The following MIR2052HG variants were observed in gnomAD, a reference collection of about 807,000 sequenced individuals.
MIR2052HG encodes MIR2052 host gene.
chr8:74,621,041 C>G (rs1808354490), intron 2 of MIR2052HG, among the ~76,000 whole-genome samples: 1 of 152,246 alleles, frequency 6.6e-6, no homozygotes, highest in African/African-American at 2.4e-5. Context: ...TGCCACCATT[C>G]TCTTTGCATA....
chr8:74,734,328 A>G (rs1048324799), intron 4 of MIR2052HG, among the ~76,000 whole-genome samples: 1 of 152,226 alleles, frequency 6.6e-6, no homozygotes, highest in African/African-American at 2.4e-5. Context: ...GATCTAACAT[A>G]TGCACAGTTT....
chr8:74,691,457 G>T (rs1809238825), intron 2 of MIR2052HG, among the ~76,000 whole-genome samples: 2 of 152,146 alleles, frequency 1.3e-5, no homozygotes, highest in Non-Finnish European at 1.5e-5. Context: ...TTATATCTGT[G>T]CATCTGTTAG....
intron 2 of MIR2052HG, among the ~76,000 whole-genome samples, chr8:74,686,739 A>G (rs957670153): frequency 1.3e-5 from 2 of 152,230 alleles, no homozygotes; most frequent in South Asian, 2.1e-4. Flanking sequence ...AAACAAGGCA[A>G]GTCCTGTGGC....
At chr8:74,656,579 C>G (rs1054298956) in intron 2 of MIR2052HG, among the ~76,000 whole-genome samples, 4 of 152,160 alleles carry the variant, frequency 2.6e-5, no homozygotes, top group African/African-American at 7.2e-5. Context: ...TGAGGCCTCC[C>G]CAGACATGTG....
At chr8:74,605,345 A>G (rs1808096256) in intron 1 of MIR2052HG, among the ~76,000 whole-genome samples, 1 of 152,236 alleles carries the variant, frequency 6.6e-6, no homozygotes, top group African/African-American at 2.4e-5. Flanking sequence ...GCAGGAGAGC[A>G]TTTAACATTC....
chr8:74,656,868 T>C (rs1808812672), intron 2 of MIR2052HG, among the ~76,000 whole-genome samples: 1 of 152,126 alleles, frequency 6.6e-6, no homozygotes, highest in South Asian at 2.1e-4. Flanking sequence ...AGAAGGAATG[T>C]TTAGGGACAG....
At chr8:74,738,105 T>TTATGTATG (rs756618957) in intron 4 of MIR2052HG, among the ~76,000 whole-genome samples, 4 of 144,952 alleles carry the variant, frequency 2.8e-5, no homozygotes, top group Non-Finnish European at 6.1e-5. Flanking sequence ...TATGTATCTG[T>TTATGTATG]TATGTATGTA....
intron 2 of MIR2052HG, among the ~76,000 whole-genome samples, chr8:74,631,040 G>C (rs1173845388): frequency 6.6e-6 from 1 of 152,198 alleles, no homozygotes; most frequent in African/African-American, 2.4e-5. Flanking sequence ...CAAGATTTTA[G>C]GGATGATAGG....
intron 2 of MIR2052HG, among the ~76,000 whole-genome samples, chr8:74,696,450 C>A (rs988885790): frequency 6.6e-6 from 1 of 151,694 alleles, no homozygotes; most frequent in Non-Finnish European, 1.5e-5. Flanking sequence ...CCAAACCCAG[C>A]AGAAGAAAAG....
At chr8:74,726,047 G>C (rs1445310715) in intron 4 of MIR2052HG, among the ~76,000 whole-genome samples, 1 of 152,028 alleles carries the variant, frequency 6.6e-6, no homozygotes, top group Non-Finnish European at 1.5e-5. Flanking sequence ...CAAAAAATTA[G>C]CCAGGTGTGG....
intron 4 of MIR2052HG, among the ~76,000 whole-genome samples, chr8:74,710,117 C>A (rs956343633): frequency 2.6e-5 from 4 of 151,982 alleles, no homozygotes; most frequent in African/African-American, 9.7e-5. Context: ...TAAACTTAAA[C>A]CATTTGATTT....
intron 5 of MIR2052HG, among the ~76,000 whole-genome samples, chr8:74,755,864 T>C (rs1239960456): frequency 6.6e-6 from 1 of 152,150 alleles, no homozygotes; most frequent in Non-Finnish European, 1.5e-5. Flanking sequence ...ATCACGTGGC[T>C]GGGTACTGAT....
chr8:74,752,404 C>T, intron 4 of MIR2052HG: 1 of 452,652 alleles, frequency 2.2e-6, no homozygotes, highest in South Asian at 1.6e-5. Context: ...CATTTGGGAG[C>T]ATTTTTCATT....
chr8:74,626,858 A>G (rs1364654769), intron 2 of MIR2052HG, among the ~76,000 whole-genome samples: 2 of 152,240 alleles, frequency 1.3e-5, no homozygotes, highest in Non-Finnish European at 1.5e-5. Context: ...ACAAATGCAG[A>G]CCAGATTATA....
At chr8:74,732,982 G>A (rs10216627) in intron 4 of MIR2052HG, among the ~76,000 whole-genome samples, 2 of 151,988 alleles carry the variant, frequency 1.3e-5, no homozygotes, top group African/African-American at 4.8e-5. Flanking sequence ...ATCTGGTTTA[G>A]GTTTTACAAA....
chr8:74,744,785 C>A (rs111556079), intron 4 of MIR2052HG, among the ~76,000 whole-genome samples: 92 of 152,052 alleles, frequency 6.1e-4, no homozygotes, highest in Admixed American at 1.2e-3. Context: ...GCAGTAAAAT[C>A]TTACTTCATC....
At chr8:74,677,906 G>C (rs1809071963) in intron 2 of MIR2052HG, among the ~76,000 whole-genome samples, 2 of 152,036 alleles carry the variant, frequency 1.3e-5, no homozygotes, top group Admixed American at 1.3e-4. Context: ...GAGACTGATT[G>C]AGGAAAAAAG....
intron 1 of MIR2052HG, among the ~76,000 whole-genome samples, chr8:74,604,491 G>A (rs1275396152): frequency 1.5e-5 from 2 of 132,892 alleles, no homozygotes; most frequent in African/African-American, 5.7e-5. Context: ...AAGAGACCCC[G>A]GGGCGGGTGG....
chr8:74,743,061 C>CA (rs372589033), intron 4 of MIR2052HG, among the ~76,000 whole-genome samples: 6 of 150,036 alleles, frequency 4.0e-5, no homozygotes, highest in Admixed American at 1.3e-4. Flanking sequence ...TATAGAATGT[C>CA]AAAAAAACAA....
Sources: allele counts gnomAD v4.1 joint callset (sites outside exome capture counted in the v4.1 genomes callset), GRCh38; gene constraint gnomAD v4.1.1; transcripts MANE v1.5; gene names NCBI Gene and HGNC (gene_info 2026-07-23, HGNC 2026-07-21).